PMS1: variants seen among roughly 807,000 people sequenced by gnomAD.
PMS1 encodes PMS1 homolog 1, mismatch repair system component, also known as PMS1 protein homolog 1.
PMS1 carries 79 observed loss-of-function variants against 93.1 expected under a neutral mutation model. That is an observed-to-expected ratio of 0.85 (90% CI 0.71 to 1.02). PMS1 has a LOEUF of 1.02. Ranked by LOEUF, PMS1 falls within the 50% of genes least tolerant of loss-of-function variation. PMS1 has a pLI of 0.00. For missense variants in PMS1, 1,064 were observed against 1,085.3 expected, an observed-to-expected ratio of 0.98 and a Z score of 0.28; for synonymous variants, 335 against 363.4, an observed-to-expected ratio of 0.92 and a Z score of 0.89.
chr2:189,805,970 G>A, intron 4 of PMS1: 12 of 1,444,384 alleles, frequency 8.3e-6, no homozygotes, highest in Non-Finnish European at 1.1e-5. Flanking sequence ...TGAGAGACTG[G>A]ACACTTCCAT....
chr2:189,837,650 G>A (rs2053500605), intron 5 of PMS1, among the ~76,000 whole-genome samples: 1 of 152,106 alleles, frequency 6.6e-6, no homozygotes, highest in Non-Finnish European at 1.5e-5. Flanking sequence ...AAAAAACATG[G>A]AGCTACCATG....
chr2:189,851,039 CAATTTTGTT>C (rs1337570952), intron 6 of PMS1, among the ~76,000 whole-genome samples: 3 of 152,130 alleles, frequency 2.0e-5, no homozygotes, highest in Non-Finnish European at 4.4e-5. Context: ...ATCTAATTTT[CAATTTTGTT>C]GCACTGATTT....
chr2:189,807,752 A>T (rs1002730591), intron 4 of PMS1, among the ~76,000 whole-genome samples: 2 of 152,238 alleles, frequency 1.3e-5, no homozygotes, highest in Non-Finnish European at 2.9e-5. Context: ...GAGACCAGGT[A>T]TGCATATTAA....
chr2:189,787,999 A>G (rs1481707955), intron 1 of PMS1, among the ~76,000 whole-genome samples: 1 of 152,150 alleles, frequency 6.6e-6, no homozygotes. Context: ...CATGCTATGA[A>G]TTGCCATGAT....
At chr2:189,842,569 C>T (rs2053905088) in intron 5 of PMS1, among the ~76,000 whole-genome samples, 1 of 152,084 alleles carries the variant, frequency 6.6e-6, no homozygotes. Context: ...CCCATGTTGA[C>T]CTAAAAGGAA....
chr2:189,851,470 C>A (rs994089717), intron 6 of PMS1, among the ~76,000 whole-genome samples: 5 of 152,110 alleles, frequency 3.3e-5, no homozygotes, highest in African/African-American at 1.2e-4. Flanking sequence ...TAAGTAGTAT[C>A]ATTTTATAAT....
intron 4 of PMS1, among the ~76,000 whole-genome samples, chr2:189,812,152 T>C (rs958134269): frequency 2.6e-5 from 4 of 151,834 alleles, no homozygotes; most frequent in African/African-American, 9.7e-5. Flanking sequence ...AATACGAAAA[T>C]TATCTGGGTG....
chr2:189,856,299 T>C (rs1480953575), intron 9 of PMS1, among the ~76,000 whole-genome samples: 2 of 152,094 alleles, frequency 1.3e-5, no homozygotes, highest in Non-Finnish European at 2.9e-5. Flanking sequence ...GTTTCATCCA[T>C]ACTTCCATTC....
At chr2:189,868,221 A>G (rs959910709) in intron 11 of PMS1, among the ~76,000 whole-genome samples, 2 of 152,248 alleles carry the variant, frequency 1.3e-5, no homozygotes, top group Non-Finnish European at 2.9e-5. Flanking sequence ...GCTTTGTTTA[A>G]ATTATTAAAA....
chr2:189,823,077 CTTTT>C (rs141963499), intron 5 of PMS1, among the ~76,000 whole-genome samples: 1 of 151,636 alleles, frequency 6.6e-6, no homozygotes, highest in Non-Finnish European at 1.5e-5. Flanking sequence ...TCTCTTTTTT[CTTTT>C]TTTATTTTAT....
intron 5 of PMS1, among the ~76,000 whole-genome samples, chr2:189,838,612 A>G (rs906737276): frequency 6.6e-6 from 1 of 152,194 alleles, no homozygotes; most frequent in Admixed American, 6.5e-5. Context: ...GTCAGTCATC[A>G]AGCCCATTTC....
chr2:189,877,618 AT>A lies in PMS1; in HGVS notation c.*183del. 1.8e-6 allele frequency: 1 copy of A among 569,134 alleles called. No homozygotes were observed. The highest frequency in any genetic ancestry group is 3.1e-6 in the Non-Finnish European group (1 of 319,236). The allele number at this position is 569,134 out of a possible 1,614,324, so 35.3% of individuals were successfully genotyped here. A position where few individuals can be genotyped will look rare whatever the true frequency, so the allele number is the denominator to read the frequency against. On this transcript the variant is annotated 3_prime_UTR_variant, in exon 13 of 13. Transcript: ENST00000441310. Reference sequence around the variant, plus strand: ...TTGTAGAAAACGTAAATAAACTAATATAGACTATTCATTTGATTCTCAAGAA... The same window carrying A: ...TTGTAGAAAACGTAAATAAACTAATAAGACTATTCATTTGATTCTCAAGAA...
rs145445065 is a variant in PMS1, at chr2:189,797,637, T to G, written c.315+1686T>G. On this transcript the variant is annotated intron_variant, in intron 3 of 12. Coordinates refer to ENST00000441310, the MANE Select transcript of PMS1 (RefSeq NM_000534.5). ...TTGTGCTTAGGCTGGCAGACCCTAT[T>G]TAGGCAAGAATGTTCCAGTACAGTA... Among the ~76,000 whole-genome samples the G allele has an allele frequency of 6.7e-4, 102 of 152,314 alleles. 2 individuals carry two copies. Among genetic ancestry groups the G allele is most frequent in the African/African-American group, 2.2e-3 (90 of 41,570 alleles).
intron 9 of PMS1, chr2:189,855,702 G>C (rs2106467979): frequency 5.4e-6 from 1 of 185,656 alleles, no homozygotes; most frequent in African/African-American, 2.4e-5. Flanking sequence ...AAACTATAGT[G>C]GGTATTTTTA....
At chr2:189,799,656 G>C (rs1170616088) in intron 3 of PMS1, among the ~76,000 whole-genome samples, 2 of 152,232 alleles carry the variant, frequency 1.3e-5, no homozygotes, top group African/African-American at 2.4e-5. Flanking sequence ...GGGGACCCTA[G>C]TACACCATCT....
intron 3 of PMS1, among the ~76,000 whole-genome samples, chr2:189,799,946 A>G (rs920384469): frequency 2.0e-5 from 3 of 152,208 alleles, no homozygotes; most frequent in African/African-American, 4.8e-5. Context: ...AATGAGCTTC[A>G]TGGATTAGCC....
intron 10 of PMS1, among the ~76,000 whole-genome samples, chr2:189,864,972 ACTTTGCC>A (rs2056512525): frequency 6.6e-6 from 1 of 151,402 alleles, no homozygotes; most frequent in African/African-American, 2.4e-5. Flanking sequence ...ATTATCCAAG[ACTTTGCC>A]ACATTTGCTT....
At chr2:189,842,666 G>T (rs2053913236) in intron 5 of PMS1, among the ~76,000 whole-genome samples, 1 of 152,150 alleles carries the variant, frequency 6.6e-6, no homozygotes, top group Non-Finnish European at 1.5e-5. Context: ...TTACTTTGGG[G>T]AGTGCTCCAT....
chr2:189,801,126 T>C (rs931499856), intron 3 of PMS1, among the ~76,000 whole-genome samples: 1 of 152,226 alleles, frequency 6.6e-6, no homozygotes, highest in Admixed American at 6.5e-5. Context: ...GCCACCCGAA[T>C]TGCTGGCAGG....
Sources: gnomAD v4.1 joint callset for allele counts (sites outside exome capture counted in the v4.1 genomes callset) on GRCh38, gnomAD v4.1.1 for gene constraint, MANE v1.5 for transcripts, NCBI Gene and HGNC (gene_info 2026-07-23, HGNC 2026-07-21) for gene names.